Variants in DUSP14 observed in about 807,000 individuals in gnomAD.
DUSP14 encodes dual specificity phosphatase 14.
Under a neutral mutation model 13.2 loss-of-function variants are expected in DUSP14, and 5 were observed. That is an observed-to-expected ratio of 0.38 (90% CI 0.20 to 0.80). DUSP14 has a LOEUF of 0.80. DUSP14 is among the 30% of genes least tolerant of loss of function. The probability of loss-of-function intolerance (pLI) is 0.44; values close to 1 mark genes in which losing one functional copy is unlikely to be tolerated. For synonymous variants in DUSP14, 91 were observed against 103.4 expected, an observed-to-expected ratio of 0.88 and a Z score of 0.73; for missense variants, 185 against 264.0, an observed-to-expected ratio of 0.70 and a Z score of 2.07.
intron 1 of DUSP14, among the ~76,000 whole-genome samples, chr17:37,506,219 A>T (rs11653332): frequency 2.0e-5 from 3 of 151,434 alleles, no homozygotes; most frequent in Non-Finnish European, 4.4e-5. Context: ...GAGCCGAGAT[A>T]GCGCCATTGC....
At chr17:37,509,908 A>G (rs1568205060) in intron 1 of DUSP14, 1 of 150,376 alleles carries the variant, frequency 6.6e-6, no homozygotes. Flanking sequence ...ACAGAGCTGT[A>G]AAAAAAACAC....
rs959340083 is a variant in DUSP14, at chr17:37,513,201, G to A, written c.*332G>A. Reference sequence around the variant, plus strand: ...TTTGGCACCTTGGTAGGTGCAGGAGGAGCTCAGTGCAAAAATCACTTTGGG... The same window carrying A: ...TTTGGCACCTTGGTAGGTGCAGGAGAAGCTCAGTGCAAAAATCACTTTGGG... On this transcript the variant is annotated 3_prime_UTR_variant, in exon 3 of 3. Coordinates refer to ENST00000617516, the MANE Select transcript of DUSP14 (RefSeq NM_007026.4). The A allele has an allele frequency of 5.5e-5, 16 of 291,792 alleles. No individual in the cohort carries two copies. The highest frequency in any genetic ancestry group is 1.0e-4 in the Non-Finnish European group (15 of 147,252). 18.1% of individuals were successfully genotyped at this position (291,792 alleles called of 1,614,324 possible). A position where few individuals can be genotyped will look rare whatever the true frequency, so the allele number is the denominator to read the frequency against.
chr17:37,512,259 C>T lies in DUSP14; in HGVS notation c.-14C>T. On this transcript the variant is annotated 5_prime_UTR_variant, in exon 3 of 3. Coordinates refer to ENST00000617516, the MANE Select transcript of DUSP14 (RefSeq NM_007026.4). The surrounding 1 kb of genome is among the most constrained non-coding windows in gnomAD (Gnocchi z 4.8). Reference sequence around the variant, plus strand: ...CTTGCCGCCAACGATGCAAGTGTGACTGCTGGCGTCTTCATGAGCTCCAGA... The same window carrying T: ...CTTGCCGCCAACGATGCAAGTGTGATTGCTGGCGTCTTCATGAGCTCCAGA... 7 of 1,580,262 alleles carry T rather than the reference C, an allele frequency of 4.4e-6. No homozygotes were observed. Among genetic ancestry groups the T allele is most frequent in the Non-Finnish European group, 6.0e-6 (7 of 1,160,176 alleles).
intron 1 of DUSP14, among the ~76,000 whole-genome samples, chr17:37,495,573 T>C (rs2054058184): frequency 6.6e-6 from 1 of 152,214 alleles, no homozygotes; most frequent in African/African-American, 2.4e-5. Flanking sequence ...GTAAACATTA[T>C]GTGGCAGAGA....
intron 1 of DUSP14, among the ~76,000 whole-genome samples, chr17:37,500,888 G>A (rs1034069193): frequency 4.6e-5 from 7 of 152,072 alleles, no homozygotes; most frequent in African/African-American, 1.2e-4. Flanking sequence ...CAATCACATC[G>A]ACCTGACCTT....
In DUSP14 at chr17:37,512,172, A is replaced by G; in HGVS notation, c.-92-9A>G. On this transcript the variant is annotated splice_polypyrimidine_tract_variant and intron_variant, in intron 2 of 2. Coordinates refer to ENST00000617516, the MANE Select transcript of DUSP14 (RefSeq NM_007026.4). The surrounding 1 kb of genome is among the most constrained non-coding windows in gnomAD (Gnocchi z 4.8). ...ATTTAAAGTACTGACACATACCTGT[A>G]TTTTGCAGGAAGGAGACTCTAATTT... The G allele has an allele frequency of 1.1e-6, 1 of 925,438 alleles. No homozygotes were observed. The highest frequency in any genetic ancestry group is 1.6e-6 in the Non-Finnish European group (1 of 608,038). The allele number at this position is 925,438 out of a possible 1,614,324, so 57.3% of individuals were successfully genotyped here.
At chr17:37,492,688 A>G (rs2054036794) in intron 1 of DUSP14, among the ~76,000 whole-genome samples, 1 of 152,158 alleles carries the variant, frequency 6.6e-6, no homozygotes, top group Non-Finnish European at 1.5e-5. Context: ...TCAACATTAG[A>G]TTTATTGAAT....
intron 1 of DUSP14, among the ~76,000 whole-genome samples, chr17:37,501,185 C>T (rs1431334073): frequency 6.6e-6 from 1 of 152,190 alleles, no homozygotes; most frequent in Non-Finnish European, 1.5e-5. Flanking sequence ...GCTTACGTGG[C>T]TTATGTGGGA....
At position 37,512,191 on chromosome 17, in the gene DUSP14, C is replaced by G. The variant is rs1271286939; in HGVS notation, c.-82C>G. On this transcript the variant is annotated 5_prime_UTR_variant, in exon 3 of 3. Transcript: ENST00000617516. This position sits in a 1 kb window ranked among gnomAD's most constrained non-coding sequence, Gnocchi z 4.8. ...ACCTGTATTTTGCAGGAAGGAGACT[C>G]TAATTTTGGATTCCTTGGTGGAGGA... 8.3e-7 allele frequency: 1 copy of G among 1,204,378 alleles called. No homozygotes were observed. The highest frequency in any genetic ancestry group is 1.5e-5 in the African/African-American group (1 of 65,576). 74.6% of individuals were successfully genotyped at this position (1,204,378 alleles called of 1,614,324 possible).
At position 37,512,186 on chromosome 17, in the gene DUSP14, A is replaced by T; in HGVS notation, c.-87A>T. ...CACATACCTGTATTTTGCAGGAAGG[A>T]GACTCTAATTTTGGATTCCTTGGTG... On this transcript the variant is annotated 5_prime_UTR_variant, in exon 3 of 3. Coordinates refer to ENST00000617516, the MANE Select transcript of DUSP14 (RefSeq NM_007026.4). The surrounding 1 kb of genome is among the most constrained non-coding windows in gnomAD (Gnocchi z 4.8). 1 of 1,093,036 alleles carries T rather than the reference A, an allele frequency of 9.1e-7. No homozygotes were observed. Among genetic ancestry groups the T allele is most frequent in the Non-Finnish European group, 1.3e-6 (1 of 757,736 alleles). The allele number at this position is 1,093,036 out of a possible 1,614,324, so 67.7% of individuals were successfully genotyped here. A position where few individuals can be genotyped will look rare whatever the true frequency, so the allele number is the denominator to read the frequency against.
intron 1 of DUSP14, among the ~76,000 whole-genome samples, chr17:37,509,162 CACACACTCTA>C (rs70958624): frequency 0.2 from 13,616 of 69,664 alleles, 2,939 homozygotes; most frequent in Admixed American, 0.37. Context: ...CACACACACA[CACACACTCTA>C]TATATATATG....
intron 1 of DUSP14, among the ~76,000 whole-genome samples, chr17:37,493,083 C>T (rs982953483): frequency 1.3e-5 from 2 of 151,966 alleles, no homozygotes; most frequent in African/African-American, 4.8e-5. Context: ...CTGCAGCATG[C>T]TATTTTAAAA....
intron 2 of DUSP14, among the ~76,000 whole-genome samples, chr17:37,511,241 CTG>C (rs1271820238): frequency 1.3e-5 from 2 of 152,112 alleles, no homozygotes; most frequent in African/African-American, 2.4e-5. Context: ...GGAAATGCTA[CTG>C]TGTTTACATT....
At chr17:37,507,384 C>T (rs943992557) in intron 1 of DUSP14, among the ~76,000 whole-genome samples, 23 of 152,292 alleles carry the variant, frequency 1.5e-4, no homozygotes, top group South Asian at 1.0e-3. Context: ...TCAGCAAATG[C>T]GAGTTAACGG....
At chr17:37,508,158 G>A (rs2054150112) in intron 1 of DUSP14, among the ~76,000 whole-genome samples, 2 of 152,240 alleles carry the variant, frequency 1.3e-5, no homozygotes, top group African/African-American at 4.8e-5. Flanking sequence ...CTTCAGAGAA[G>A]GGCAGTGTCC....
At chr17:37,509,451 G>C (rs1183319891) in intron 1 of DUSP14, among the ~76,000 whole-genome samples, 2 of 150,120 alleles carry the variant, frequency 1.3e-5, no homozygotes, top group Admixed American at 1.3e-4. Context: ...CACCCAAGTA[G>C]CTGGGATTAC....
chr17:37,492,731 T>G (rs1016739804), intron 1 of DUSP14, among the ~76,000 whole-genome samples: 1 of 152,166 alleles, frequency 6.6e-6, no homozygotes, highest in African/African-American at 2.4e-5. Context: ...CTAAAACAAA[T>G]GGATAATTTG....
upstream of DUSP14, among the ~76,000 whole-genome samples, chr17:37,489,104 G>A (rs1476469431): frequency 6.6e-6 from 1 of 152,154 alleles, no homozygotes; most frequent in Non-Finnish European, 1.5e-5. Flanking sequence ...CGTCCGTTTC[G>A]CACCGACTTA....
intron 1 of DUSP14, among the ~76,000 whole-genome samples, chr17:37,497,501 C>T (rs2143066214): frequency 2.0e-5 from 3 of 152,200 alleles, no homozygotes; most frequent in Middle Eastern, 6.8e-3. Flanking sequence ...GTGGCTCATG[C>T]CTGTAATCCC....
Sources: allele counts gnomAD v4.1 joint callset (sites outside exome capture counted in the v4.1 genomes callset), GRCh38; gene constraint gnomAD v4.1.1; non-coding constraint Gnocchi (gnomAD v3.1); transcripts MANE v1.5; gene names NCBI Gene and HGNC (gene_info 2026-07-23, HGNC 2026-07-21).